MDGA2: variants seen among roughly 807,000 people sequenced by gnomAD.
The protein encoded by MDGA2 is MAM domain-containing glycosylphosphatidylinositol anchor protein 2.
A neutral mutation model predicts 117.8 loss-of-function variants in MDGA2; 40 were observed. The observed-to-expected ratio is 0.34, with a 90% CI of 0.26 to 0.44. The LOEUF (loss-of-function observed/expected upper bound fraction) is 0.44. Ranked by LOEUF, MDGA2 falls within the 20% of genes least tolerant of loss-of-function variation. The probability of loss-of-function intolerance (pLI) is 1.00; values close to 1 mark genes in which losing one functional copy is unlikely to be tolerated. For missense variants in MDGA2, 1,123 were observed against 1,250.6 expected (o/e 0.90, Z 1.54); for synonymous variants, 452 against 439.0 (o/e 1.03, Z -0.37).
intron 1 of MDGA2, among the ~76,000 whole-genome samples, chr14:47,599,322 T>TG (rs199755463): frequency 0.023 from 3,466 of 152,232 alleles, 129 homozygotes; most frequent in African/African-American, 0.076. Context: ...TGTTTTTTTT[T>TG]TTGCATTTTA....
chr14:47,456,371 C>T (rs1284500035), intron 1 of MDGA2, among the ~76,000 whole-genome samples: 2 of 151,418 alleles, frequency 1.3e-5, no homozygotes, highest in Non-Finnish European at 2.9e-5. Flanking sequence ...CGACTCACCG[C>T]AACCTCTGCC....
At chr14:47,015,321 TAAA>T (rs5808372) in intron 8 of MDGA2, among the ~76,000 whole-genome samples, 1 of 145,242 alleles carries the variant, frequency 6.9e-6, no homozygotes, top group Non-Finnish European at 1.5e-5. Context: ...CACATGCTGT[TAAA>T]AAAAAAAAAA....
chr14:47,096,815 C>T, intron 6 of MDGA2, 39 bp downstream of exon 6: 1 of 1,600,620 alleles, frequency 6.2e-7, no homozygotes, highest in Non-Finnish European at 8.5e-7. Flanking sequence ...AGAGCCTAAC[C>T]TAGGAATCTA....
chr14:47,472,488 C>G (rs2138617934), intron 1 of MDGA2, among the ~76,000 whole-genome samples: 1 of 152,282 alleles, frequency 6.6e-6, no homozygotes, highest in South Asian at 2.1e-4. Context: ...TACTAAAATA[C>G]TGTATTCTAA....
At chr14:47,199,550 A>G (rs1373797474) in intron 3 of MDGA2, among the ~76,000 whole-genome samples, 1 of 152,092 alleles carries the variant, frequency 6.6e-6, no homozygotes, top group African/African-American at 2.4e-5. Context: ...CTTCCAACTC[A>G]CTCATTTCAA....
intron 1 of MDGA2, among the ~76,000 whole-genome samples, chr14:47,342,051 A>G (rs1890640810): frequency 1.3e-5 from 2 of 151,798 alleles, no homozygotes; most frequent in African/African-American, 4.8e-5. Context: ...CAGGTGCACC[A>G]TATTGGCCAG....
intron 6 of MDGA2, among the ~76,000 whole-genome samples, chr14:47,072,588 G>T (rs1169879214): frequency 7.2e-5 from 11 of 152,112 alleles, no homozygotes; most frequent in Admixed American, 7.2e-4. Flanking sequence ...ATGAACCCTA[G>T]TCCAATATCA....
intron 1 of MDGA2, among the ~76,000 whole-genome samples, chr14:47,573,231 G>T (rs1348940812): frequency 6.6e-5 from 10 of 152,188 alleles, no homozygotes; most frequent in Non-Finnish European, 4.4e-5. Flanking sequence ...GATGAGAGTT[G>T]ATTAAGATAA....
At chr14:47,215,069 T>G (rs1886036038) in intron 3 of MDGA2, among the ~76,000 whole-genome samples, 1 of 152,138 alleles carries the variant, frequency 6.6e-6, no homozygotes, top group Non-Finnish European at 1.5e-5. Context: ...ATGCATATCC[T>G]GCTTCCAAGT....
At position 47,269,059 on chromosome 14, in the gene MDGA2, T is replaced by C. The variant is rs75193604; in HGVS notation, c.420+32352A>G. Among the ~76,000 whole-genome samples the C allele has an allele frequency of 2.3e-3, 344 of 152,158 alleles. 1 individual carries two copies. Among genetic ancestry groups the C allele is most frequent in the African/African-American group, 7.7e-3 (319 of 41,476 alleles). ...AGGAGGAGAAAAAAATCTCTGTGGA[T>C]TGAGGAAGGCTCCAATGGTAGGACT... On this transcript the variant is annotated intron_variant, in intron 2 of 16. Transcript: ENST00000399232.
chr14:46,868,512 T>C (rs1009620585), intron 14 of MDGA2, among the ~76,000 whole-genome samples: 1 of 151,860 alleles, frequency 6.6e-6, no homozygotes, highest in East Asian at 1.9e-4. Flanking sequence ...GAACAGACTA[T>C]GAAGCTACCC....
intron 1 of MDGA2, among the ~76,000 whole-genome samples, chr14:47,567,631 G>T (rs776282384): frequency 6.6e-6 from 1 of 152,160 alleles, no homozygotes; most frequent in Non-Finnish European, 1.5e-5. Context: ...ATGCTCTTCT[G>T]GGGTAGCTGC....
chr14:47,216,829 G>T (rs149878884), intron 3 of MDGA2, among the ~76,000 whole-genome samples: 2 of 152,054 alleles, frequency 1.3e-5, no homozygotes, highest in South Asian at 2.1e-4. Context: ...ATTTTGGGAA[G>T]TATACAGGTG....
At chr14:47,199,644 G>A (rs576718422) in intron 3 of MDGA2, among the ~76,000 whole-genome samples, 10 of 152,100 alleles carry the variant, frequency 6.6e-5, no homozygotes, top group African/African-American at 2.4e-4. Context: ...CATACTCAAA[G>A]AAAAACAATC....
intron 1 of MDGA2, among the ~76,000 whole-genome samples, chr14:47,402,337 C>A (rs201632355): frequency 3.3e-4 from 1 of 3,034 alleles, no homozygotes; most frequent in Non-Finnish European, 6.2e-4. Flanking sequence ...GAAACCCCCG[C>A]CCCCCCACCC....
At chr14:47,401,909 G>A (rs1239706145) in intron 1 of MDGA2, among the ~76,000 whole-genome samples, 2 of 152,204 alleles carry the variant, frequency 1.3e-5, no homozygotes, top group Non-Finnish European at 2.9e-5. Flanking sequence ...GTTGACAGAT[G>A]AGAGACAGTA....
At chr14:46,930,265 C>G (rs1884517259) in intron 9 of MDGA2, among the ~76,000 whole-genome samples, 2 of 152,060 alleles carry the variant, frequency 1.3e-5, no homozygotes, top group African/African-American at 2.4e-5. Flanking sequence ...CCCAATTGCA[C>G]TTTGTAGATG....
chr14:47,566,964 A>G (rs1895931072), intron 1 of MDGA2, among the ~76,000 whole-genome samples: 3 of 151,372 alleles, frequency 2.0e-5, no homozygotes, highest in Non-Finnish European at 4.4e-5. Flanking sequence ...ATTGAAATGC[A>G]GTGGCGTGAT....
chr14:47,603,486 C>T (rs1896684358), intron 1 of MDGA2, among the ~76,000 whole-genome samples: 1 of 152,178 alleles, frequency 6.6e-6, no homozygotes, highest in African/African-American at 2.4e-5. Flanking sequence ...TATGCCCGGT[C>T]ATTCCACCGA....
Sources: allele counts gnomAD v4.1 joint callset (sites outside exome capture counted in the v4.1 genomes callset), GRCh38; gene constraint gnomAD v4.1.1; transcripts MANE v1.5; gene names NCBI Gene and HGNC (gene_info 2026-07-23, HGNC 2026-07-21).